The following RANBP2 variants were observed in gnomAD, a reference collection of about 807,000 sequenced individuals.
The protein encoded by RANBP2 is E3 SUMO-protein ligase RanBP2.
In RANBP2, 57 loss-of-function variants were observed where a neutral mutation model predicts 303.6. That is an observed-to-expected ratio of 0.19 (90% CI 0.15 to 0.23). The LOEUF is 0.23. Ranked by LOEUF, RANBP2 falls within the 10% of genes least tolerant of loss-of-function variation. RANBP2 has a pLI of 1.00. For synonymous variants in RANBP2, 1,167 were observed against 1,301.5 expected (o/e 0.90, Z 2.23); for missense variants, 3,138 against 3,780.8 (o/e 0.83, Z 4.46).
the RANBP2 span, among the ~76,000 whole-genome samples, chr2:109,394,281 G>A: frequency 4.6e-5 from 7 of 152,344 alleles, no homozygotes; most frequent in East Asian, 5.8e-4. Context: ...GCAGCCACTC[G>A]AGGTCACAGA....
chr2:109,250,356 A>G, the RANBP2 span, among the ~76,000 whole-genome samples: 1 of 152,120 alleles, frequency 6.6e-6, no homozygotes, highest in Non-Finnish European at 1.5e-5. Context: ...AGTCTCCATC[A>G]GCTCTGAATT....
the RANBP2 span, among the ~76,000 whole-genome samples, chr2:109,337,487 G>A: frequency 6.6e-6 from 1 of 152,234 alleles, no homozygotes; most frequent in Non-Finnish European, 1.5e-5. Context: ...AAGGGACTGT[G>A]CAGGCAAGGG....
At chr2:109,315,812 G>A in the RANBP2 span, among the ~76,000 whole-genome samples, 2 of 152,138 alleles carry the variant, frequency 1.3e-5, no homozygotes, top group Non-Finnish European at 2.9e-5. Context: ...GGACGTCGTC[G>A]CTTTTCCACC....
chr2:109,323,420 A>C, the RANBP2 span, among the ~76,000 whole-genome samples: 1 of 152,260 alleles, frequency 6.6e-6, no homozygotes, highest in Non-Finnish European at 1.5e-5. Flanking sequence ...AAACACACAT[A>C]TGCACATACT....
the RANBP2 span, among the ~76,000 whole-genome samples, chr2:109,099,747 C>T: frequency 3.9e-5 from 6 of 152,196 alleles, no homozygotes; most frequent in South Asian, 6.2e-4. Flanking sequence ...GAGTCCACAT[C>T]GTTTTTGCAT....
the RANBP2 span, among the ~76,000 whole-genome samples, chr2:109,305,880 C>T: frequency 6.6e-6 from 1 of 152,218 alleles, no homozygotes; most frequent in Non-Finnish European, 1.5e-5. Context: ...AGAGCCCTTT[C>T]CCACACCAGG....
the RANBP2 span, among the ~76,000 whole-genome samples, chr2:109,532,944 ACACT>A: frequency 6.6e-6 from 1 of 152,126 alleles, no homozygotes; most frequent in Non-Finnish European, 1.5e-5. Context: ...CATTCAATAA[ACACT>A]CACTGGCCAG....
At chr2:109,040,675 T>A in the RANBP2 span, among the ~76,000 whole-genome samples, 1 of 152,346 alleles carries the variant, frequency 6.6e-6, no homozygotes, top group Non-Finnish European at 1.5e-5. Flanking sequence ...CACACATTTC[T>A]TGTTAGATTC....
the RANBP2 span, among the ~76,000 whole-genome samples, chr2:109,686,352 C>A: frequency 2.1e-4 from 32 of 152,222 alleles, no homozygotes; most frequent in Non-Finnish European, 3.7e-4. Flanking sequence ...CCTTACTCTG[C>A]CGCCCAGGCT....
the RANBP2 span, among the ~76,000 whole-genome samples, chr2:108,913,002 G>A: frequency 1.6e-4 from 24 of 148,578 alleles, no homozygotes; most frequent in Admixed American, 1.3e-3. Context: ...AGGCTACAGT[G>A]CAGTGGCGTG....
chr2:109,532,307 C>T, the RANBP2 span, among the ~76,000 whole-genome samples: 7 of 152,322 alleles, frequency 4.6e-5, 1 homozygote, highest in African/African-American at 1.7e-4. Context: ...AAAACATTCA[C>T]GTTCCATCAA....
downstream of RANBP2, among the ~76,000 whole-genome samples, chr2:108,788,480 A>G (rs998313559): frequency 6.6e-6 from 1 of 151,968 alleles, no homozygotes; most frequent in Non-Finnish European, 1.5e-5. Context: ...GCACTTTGGG[A>G]GGCGAGGCGG....
the RANBP2 span, among the ~76,000 whole-genome samples, chr2:109,163,246 G>C: frequency 6.6e-6 from 1 of 152,274 alleles, no homozygotes; most frequent in East Asian, 1.9e-4. Flanking sequence ...TGTGTGGTGT[G>C]TTGACTGTAG....
chr2:109,383,578 G>T, the RANBP2 span, among the ~76,000 whole-genome samples: 1 of 152,100 alleles, frequency 6.6e-6, no homozygotes, highest in Admixed American at 6.5e-5. Context: ...TTAAGATTCG[G>T]GTCCGGGAAA....
At chr2:109,486,663 C>T in the RANBP2 span, among the ~76,000 whole-genome samples, 36 of 152,240 alleles carry the variant, frequency 2.4e-4, no homozygotes, top group Admixed American at 5.9e-4. Context: ...GATGCAGAGC[C>T]GGGCCTTCAC....
chr2:108,919,765 G>A, the RANBP2 span, among the ~76,000 whole-genome samples: 386 of 152,298 alleles, frequency 2.5e-3, no homozygotes, highest in African/African-American at 4.9e-3. Flanking sequence ...GTAGGTCAGC[G>A]AGGCTCCGTG....
chr2:108,876,216 C>T, the RANBP2 span: 1 of 1,612,812 alleles, frequency 6.2e-7, no homozygotes, highest in South Asian at 1.1e-5. Context: ...CTGGGTTTAA[C>T]AAAATGTAAC....
chr2:109,326,077 A>G, the RANBP2 span, among the ~76,000 whole-genome samples: 1 of 152,256 alleles, frequency 6.6e-6, no homozygotes, highest in South Asian at 2.1e-4. Context: ...GGCGTATGCC[A>G]CATTTTCTCC....
rs1677845006 is a variant in RANBP2, at chr2:108,775,829, A to G, written c.8390A>G (p.Asp2797Gly). The change falls in exon 24 of 29, where the codon GAT becomes GGT. Residue 2797 changes from aspartate (D) to glycine (G), a missense_variant. Around this residue, in one of 20 missense-constraint regions of RANBP2, gnomAD observed 497 missense variants for 465.8 expected, o/e 1.07. Transcript: ENST00000283195. ...VPSFCKSEEP[D>G]SITKSISSPS... ...TCTTTCTGTAAATCTGAAGAACCTG[A>G]TTCTATTACCAAATCCATTAGTTCA... 1 of 1,613,868 alleles carries G rather than the reference A, an allele frequency of 6.2e-7. No individual in the cohort carries two copies. Among genetic ancestry groups the G allele is most frequent in the Non-Finnish European group, 8.5e-7 (1 of 1,179,938 alleles).
Sources: allele counts gnomAD v4.1 joint callset (sites outside exome capture counted in the v4.1 genomes callset), GRCh38; gene constraint gnomAD v4.1.1; regional missense constraint gnomAD v4.1.1; transcripts MANE v1.5; gene names NCBI Gene and HGNC (gene_info 2026-07-23, HGNC 2026-07-21).